Variants in OPCML observed in about 807,000 individuals in gnomAD.
OPCML encodes the protein opioid binding protein/cell adhesion molecule like.
OPCML carries 13 observed loss-of-function variants against 37.8 expected under a neutral mutation model. The ratio of observed to expected loss-of-function variants is 0.34; its 90% CI spans 0.22 to 0.55. The LOEUF is 0.55. OPCML is among the 20% of genes least tolerant of loss of function. The probability of loss-of-function intolerance (pLI) is 0.91; values close to 1 mark genes in which losing one functional copy is unlikely to be tolerated. For missense variants in OPCML, 341 were observed against 435.6 expected (o/e 0.78, Z 1.93); for synonymous variants, 176 against 168.8 (o/e 1.04, Z -0.33).
chr11:132,504,973 C>G (rs148462399), intron 4 of OPCML, among the ~76,000 whole-genome samples: 19 of 152,106 alleles, frequency 1.2e-4, no homozygotes, highest in African/African-American at 3.6e-4. Flanking sequence ...TGAGTGCCCC[C>G]CAAGCCCTAA....
chr11:132,786,796 A>G (rs1947227941), intron 2 of OPCML, among the ~76,000 whole-genome samples: 1 of 152,182 alleles, frequency 6.6e-6, no homozygotes. Flanking sequence ...AGTATTGCTT[A>G]TCTTTCTTCA....
intron 1 of OPCML, among the ~76,000 whole-genome samples, chr11:133,452,040 T>A (rs1157016098): frequency 6.6e-6 from 1 of 150,990 alleles, no homozygotes; most frequent in Non-Finnish European, 1.5e-5. Context: ...ATCAATACAT[T>A]CAGAAGAGCA....
At chr11:133,361,939 G>C (rs929392391) in intron 1 of OPCML, 1 of 152,298 alleles carries the variant, frequency 6.6e-6, no homozygotes, top group Non-Finnish European at 1.5e-5. Flanking sequence ...GGCTTCTAGA[G>C]GGACAGAGCA....
chr11:132,600,238 C>A (rs1937757445), intron 3 of OPCML, among the ~76,000 whole-genome samples: 1 of 152,124 alleles, frequency 6.6e-6, no homozygotes, highest in Non-Finnish European at 1.5e-5. Flanking sequence ...ATAAGGATAC[C>A]AGACCAACTG....
intron 3 of OPCML, among the ~76,000 whole-genome samples, chr11:132,584,382 G>C (rs1591586216): frequency 6.6e-6 from 1 of 152,110 alleles, no homozygotes; most frequent in Non-Finnish European, 1.5e-5. Flanking sequence ...CTTAACAGTA[G>C]AGGGATATTT....
intron 1 of OPCML, among the ~76,000 whole-genome samples, chr11:133,056,613 A>G (rs1400185990): frequency 6.6e-6 from 1 of 152,236 alleles, no homozygotes; most frequent in Admixed American, 6.5e-5. Flanking sequence ...GTTTAACTGA[A>G]CTTTATCCTA....
At chr11:132,880,951 G>T (rs1290345833) in intron 2 of OPCML, among the ~76,000 whole-genome samples, 1 of 152,050 alleles carries the variant, frequency 6.6e-6, no homozygotes, top group Non-Finnish European at 1.5e-5. Context: ...CCAGCCCCTT[G>T]CCTCTTTTGG....
intron 2 of OPCML, among the ~76,000 whole-genome samples, chr11:132,789,173 T>C (rs866275509): frequency 2.0e-5 from 3 of 152,340 alleles, no homozygotes; most frequent in Non-Finnish European, 2.9e-5. Flanking sequence ...TTGCCATGTT[T>C]ATTATACGTT....
intron 2 of OPCML, among the ~76,000 whole-genome samples, chr11:132,660,786 C>A (rs1050623279): frequency 1.3e-5 from 2 of 152,078 alleles, no homozygotes; most frequent in Admixed American, 1.3e-4. Context: ...AAGACTGATA[C>A]CCTGCTCCAT....
At chr11:132,861,977 T>C (rs897291166) in intron 2 of OPCML, among the ~76,000 whole-genome samples, 11 of 152,218 alleles carry the variant, frequency 7.2e-5, no homozygotes. Flanking sequence ...AAATCATTTC[T>C]TCGAGTTACA....
chr11:132,442,820 G>C (rs891449604), intron 4 of OPCML, among the ~76,000 whole-genome samples: 2 of 152,162 alleles, frequency 1.3e-5, no homozygotes, highest in African/African-American at 2.4e-5. Flanking sequence ...CACTATGACT[G>C]TGAGGCTTCC....
At chr11:132,460,574 C>CA (rs2096097859) in intron 4 of OPCML, among the ~76,000 whole-genome samples, 1 of 151,924 alleles carries the variant, frequency 6.6e-6, no homozygotes. Context: ...ATCTCAGCAG[C>CA]AAAAATTGAT....
At chr11:132,659,183 T>A (rs1175315271) in intron 2 of OPCML, among the ~76,000 whole-genome samples, 1 of 152,202 alleles carries the variant, frequency 6.6e-6, no homozygotes, top group East Asian at 1.9e-4. Flanking sequence ...TTCCTGTTGC[T>A]TTCTTACTTC....
intron 1 of OPCML, among the ~76,000 whole-genome samples, chr11:133,091,579 C>T (rs938276476): frequency 5.9e-5 from 9 of 152,244 alleles, no homozygotes; most frequent in Admixed American, 6.5e-5. Flanking sequence ...AGATTACTCA[C>T]AAACTTGAAG....
chr11:132,447,924 G>A (rs918373715), intron 4 of OPCML, among the ~76,000 whole-genome samples: 9 of 152,368 alleles, frequency 5.9e-5, no homozygotes, highest in Non-Finnish European at 1.3e-4. Context: ...TTCTCTGGAA[G>A]ACAGACAATT....
chr11:132,445,707 T>C (rs923213205), intron 4 of OPCML, among the ~76,000 whole-genome samples: 1 of 152,144 alleles, frequency 6.6e-6, no homozygotes, highest in African/African-American at 2.4e-5. Context: ...GGGACTCTAA[T>C]GTACAGTCAG....
chr11:133,062,384 C>A (rs960881114), intron 1 of OPCML, among the ~76,000 whole-genome samples: 3 of 152,200 alleles, frequency 2.0e-5, no homozygotes, highest in Admixed American at 6.5e-5. Context: ...TCTTCTCGAG[C>A]CTTTTCTGTT....
In OPCML at chr11:132,716,505, T is replaced by G. The variant is rs143006174; in HGVS notation, c.147-59186A>C. ...CTAATCTGAAAAAGCCAAATGCCAA[T>G]TGAAAACCCCTGGAAAAATGAACCC... On this transcript the variant is annotated intron_variant, in intron 2 of 7. Coordinates refer to ENST00000524381, the MANE Select transcript of OPCML (RefSeq NM_001012393.5). Among the ~76,000 whole-genome samples the G allele has an allele frequency of 1.5e-3, 223 of 152,184 alleles. 3 individuals are homozygous for G. Among genetic ancestry groups the G allele is most frequent in the African/African-American group, 5.0e-3 (206 of 41,522 alleles).
intron 1 of OPCML, among the ~76,000 whole-genome samples, chr11:133,332,027 A>G (rs1369879557): frequency 6.6e-6 from 1 of 152,214 alleles, no homozygotes; most frequent in African/African-American, 2.4e-5. Context: ...TTTGGAAAGT[A>G]TAGTCATTTG....
Sources: gnomAD v4.1 joint callset for allele counts (sites outside exome capture counted in the v4.1 genomes callset) on GRCh38, gnomAD v4.1.1 for gene constraint, MANE v1.5 for transcripts, NCBI Gene and HGNC (gene_info 2026-07-23, HGNC 2026-07-21) for gene names.